SEL1L: variants seen among roughly 807,000 people sequenced by gnomAD.
SEL1L encodes the protein SEL1L adaptor subunit of SYVN1 ubiquitin ligase.
Under a neutral mutation model 109.8 loss-of-function variants are expected in SEL1L, and 52 were observed. That is an observed-to-expected ratio of 0.47 (90% confidence interval 0.38 to 0.60). The LOEUF is 0.60. Ranked by LOEUF, SEL1L falls within the 20% of genes least tolerant of loss-of-function variation. The pLI, the probability that SEL1L is intolerant of heterozygous loss-of-function variation, is 0.00. For synonymous variants in SEL1L, 373 were observed against 339.6 expected (o/e 1.10, Z -1.08); for missense variants, 749 against 962.2 (o/e 0.78, Z 2.93).
rs1483233171 is a variant in SEL1L, at chr14:81,475,215, C to T, written c.*1757G>A. ...AAGTCTCACTATTTACAAGAGTTGC[C>T]TAAAGCAACATTACACTTAGGGGGG... is the stretch of plus-strand genomic sequence containing the variant. On this transcript the variant is annotated 3_prime_UTR_variant, in exon 21 of 21. Coordinates refer to ENST00000336735, the MANE Select transcript of SEL1L (RefSeq NM_005065.6). 1.3e-5 allele frequency: 2 copies of T among 152,174 alleles called. No individual in the cohort carries two copies. Among genetic ancestry groups the T allele is most frequent in the Non-Finnish European group, 2.9e-5 (2 of 68,014 alleles). 9.4% of individuals were successfully genotyped at this position (152,174 alleles called of 1,614,324 possible).
Position 81,492,515 on chromosome 14 carries a change from C to T in SEL1L, c.1219G>A (p.Ala407Thr). The change falls in exon 12 of 21, where the codon GCT (alanine) becomes ACT (threonine). Residue 407 changes from alanine (A) to threonine (T), a missense_variant. By Grantham distance (58) the Ala-to-Thr change is moderately conservative (BLOSUM62 0). Coordinates refer to ENST00000336735, the MANE Select transcript of SEL1L (RefSeq NM_005065.6). ...AFDYFNLAAN[A>T]GNSHAMAFLG... is the part of the protein sequence containing the mutation. Reference sequence around the variant, plus strand: ...AAGGCCATGGCATGTGAATTGCCAGCATTTGCTGCTAAATTGAAGTAGTCA... The same window carrying T: ...AAGGCCATGGCATGTGAATTGCCAGTATTTGCTGCTAAATTGAAGTAGTCA... 3.1e-6 allele frequency: 5 copies of T among 1,612,774 alleles called. No homozygotes were observed. Among genetic ancestry groups the T allele is most frequent in the Non-Finnish European group, 4.2e-6 (5 of 1,179,342 alleles).
chr14:81,507,408 C>T (rs759717877), intron 3 of SEL1L, among the ~76,000 whole-genome samples: 6 of 151,870 alleles, frequency 4.0e-5, no homozygotes, highest in Non-Finnish European at 7.4e-5. Flanking sequence ...AGATATGGTA[C>T]CACTTTCTAG....
chr14:81,527,786 T>C (rs1243912496), intron 1 of SEL1L, 48 bp from the exon 2 acceptor site: 1 of 1,260,042 alleles, frequency 7.9e-7, no homozygotes, highest in South Asian at 1.3e-5. Flanking sequence ...TGTTGGGAAA[T>C]TAGTTATTAT....
intron 1 of SEL1L, among the ~76,000 whole-genome samples, chr14:81,528,987 A>C (rs1026077671): frequency 1.3e-5 from 2 of 152,196 alleles, no homozygotes; most frequent in African/African-American, 4.8e-5. Context: ...CTAGTCCATT[A>C]GTGAGGTTTT....
chr14:81,505,066 T>A (rs887817642), intron 4 of SEL1L, among the ~76,000 whole-genome samples: 1 of 152,160 alleles, frequency 6.6e-6, no homozygotes, highest in Non-Finnish European at 1.5e-5. Flanking sequence ...TATGCCAAGG[T>A]CAGCTAAAAT....
chr14:81,480,276 C>T (rs1903308036), intron 19 of SEL1L, among the ~76,000 whole-genome samples: 1 of 152,012 alleles, frequency 6.6e-6, no homozygotes, highest in South Asian at 2.1e-4. Flanking sequence ...GCAGGCTCCG[C>T]CCCCCAGGGT....
At chr14:81,501,204 A>G (rs1020692412) in intron 6 of SEL1L, among the ~76,000 whole-genome samples, 1 of 152,254 alleles carries the variant, frequency 6.6e-6, no homozygotes, top group African/African-American at 2.4e-5. Context: ...AGTGATGCCA[A>G]CAGGAGAGCT....
rs1365270003 is a variant in SEL1L, at chr14:81,487,768, A to G, written c.1483+87T>C. On this transcript the variant is annotated intron_variant, in intron 15 of 20. Transcript: ENST00000336735. Reference sequence around the variant, plus strand: ...ATTTAACCAGCCAGAATTTGATAGCACCCATTTCCACATCATAATGCCATC... The same window carrying G: ...ATTTAACCAGCCAGAATTTGATAGCGCCCATTTCCACATCATAATGCCATC... 10 of 1,568,944 alleles carry G rather than the reference A, an allele frequency of 6.4e-6. No individual in the cohort carries two copies. In the African/African-American group the frequency reaches 1.1e-4, roughly 17 times the overall value.
rs1040148972 is a variant in SEL1L at position 81,474,114 on chromosome 14, CTGAGT to C, written c.*2853_*2857del. ...CAAGATTAATAATTTATAAATTCATCTGAGTTAAGTGCTAAACAATACATTTTGAA... is the reference window on the plus strand; with the variant it reads ...CAAGATTAATAATTTATAAATTCATCTAAGTGCTAAACAATACATTTTGAA... On this transcript the variant is annotated 3_prime_UTR_variant, in exon 21 of 21. Coordinates refer to ENST00000336735, the MANE Select transcript of SEL1L (RefSeq NM_005065.6). 9 of 151,940 alleles carry C rather than the reference CTGAGT, an allele frequency of 5.9e-5. No homozygotes were observed. The highest frequency in any genetic ancestry group is 1.9e-4 in the African/African-American group (8 of 41,490). The allele number at this position is 151,940 out of a possible 1,614,324, so 9.4% of individuals were successfully genotyped here.
intron 16 of SEL1L, among the ~76,000 whole-genome samples, chr14:81,486,719 A>C (rs1903531933): frequency 6.6e-6 from 1 of 151,842 alleles, no homozygotes; most frequent in Admixed American, 6.6e-5. Flanking sequence ...CACTGTTGTA[A>C]TGATTTATGT....
chr14:81,502,587 A>T, intron 6 of SEL1L, 134 bp downstream of exon 6: 1 of 853,334 alleles, frequency 1.2e-6, no homozygotes, highest in Non-Finnish European at 1.8e-6. Flanking sequence ...AAGACTGATA[A>T]AATGGTCAGC....
chr14:81,527,828 A>C, intron 1 of SEL1L, 90 bp from the exon 2 acceptor site: 1 of 820,122 alleles, frequency 1.2e-6, no homozygotes, highest in Admixed American at 2.3e-5. Context: ...TATAGCAAAT[A>C]ATAATCAAAC....
chr14:81,479,539 T>G lies in SEL1L; in HGVS notation c.2175+73A>C, dbSNP rs1023047497. 2.0e-6 allele frequency: 3 copies of G among 1,488,350 alleles called. No homozygotes were observed. In the African/African-American group the frequency reaches 4.2e-5, roughly 21 times the overall value. The allele number at this position is 1,488,350 out of a possible 1,614,324, so 92.2% of individuals were successfully genotyped here. A position where few individuals can be genotyped will look rare whatever the true frequency, so the allele number is the denominator to read the frequency against. The stretch of plus-strand genomic sequence containing the variant: ...ACCACTCTTCCCTGTGCTTCTCAAC[T>G]TTTGAAAAACAAACCTCCAGGACAG... On this transcript the variant is annotated intron_variant, in intron 20 of 20. Transcript: ENST00000336735.
Position 81,527,149 on chromosome 14 carries a change from C to T in SEL1L, c.109-185G>A, listed in dbSNP as rs528214007. On this transcript the variant is annotated intron_variant, in intron 2 of 20. Transcript: ENST00000336735. ...CTTCCTTCATCACCTAACTTGTAGC[C>T]TTTTTGAATTTCAACTTAGATGTTA... is the stretch of plus-strand genomic sequence containing the variant. Among the ~76,000 whole-genome samples the T allele has an allele frequency of 8.5e-5, 13 of 152,272 alleles. No homozygotes were observed. In the South Asian group the frequency reaches 2.7e-3, roughly 32 times the overall value.
intron 3 of SEL1L, among the ~76,000 whole-genome samples, chr14:81,525,275 G>A (rs2140058786): frequency 6.6e-6 from 1 of 152,204 alleles, no homozygotes; most frequent in East Asian, 1.9e-4. Flanking sequence ...CAGGCTTGAT[G>A]TAGTGTCTCA....
At chr14:81,497,820 C>T in intron 10 of SEL1L, 72 bp downstream of exon 10, 1 of 1,386,088 alleles carries the variant, frequency 7.2e-7, no homozygotes, top group Non-Finnish European at 9.9e-7. Flanking sequence ...GATATAAGTG[C>T]TTGCTCCCGT....
At chr14:81,502,599 A>G in intron 6 of SEL1L, 122 bp downstream of exon 6, 10 of 981,098 alleles carry the variant, frequency 1.0e-5, no homozygotes, top group Non-Finnish European at 1.5e-5. Context: ...ATGGTCAGCC[A>G]CAAAATTGGT....
At chr14:81,485,422 C>G (rs927593376) in intron 18 of SEL1L, among the ~76,000 whole-genome samples, 2 of 151,910 alleles carry the variant, frequency 1.3e-5, no homozygotes, top group Non-Finnish European at 1.5e-5. Flanking sequence ...ATTACAGGAG[C>G]CTGCCACCAT....
In SEL1L at chr14:81,474,681, G is replaced by C. The variant is rs1164228925; in HGVS notation, c.*2291C>G. The C allele has an allele frequency of 2.0e-5, 3 of 152,160 alleles. No homozygotes were observed. The highest frequency in any genetic ancestry group is 4.4e-5 in the Non-Finnish European group (3 of 68,012). The allele number at this position is 152,160 out of a possible 1,614,324, so 9.4% of individuals were successfully genotyped here. A position where few individuals can be genotyped will look rare whatever the true frequency, so the allele number is the denominator to read the frequency against. ...AAGAGAGCAAAGTATTTTTGAGACA[G>C]TCTTTAAGTGAAGCCATAAGAACTA... On this transcript the variant is annotated 3_prime_UTR_variant, in exon 21 of 21. Transcript: ENST00000336735.
Sources: allele counts gnomAD v4.1 joint callset (sites outside exome capture counted in the v4.1 genomes callset), GRCh38; gene constraint gnomAD v4.1.1; transcripts MANE v1.5; gene names NCBI Gene and HGNC (gene_info 2026-07-23, HGNC 2026-07-21).